The following AHCY variants were observed in gnomAD, a reference collection of about 807,000 sequenced individuals.
AHCY encodes the protein adenosylhomocysteinase.
A neutral mutation model predicts 45.4 loss-of-function variants in AHCY; 24 were observed. The observed-to-expected ratio is 0.53, with a 90% CI of 0.38 to 0.74. The LOEUF (loss-of-function observed/expected upper bound fraction) is 0.74. AHCY is among the 30% of genes least tolerant of loss of function. AHCY has a pLI of 0.00. For missense variants in AHCY, 449 were observed against 594.1 expected (o/e 0.76, Z 2.54); for synonymous variants, 245 against 235.1 (o/e 1.04, Z -0.39).
chr20:34,258,944 G>A, the AHCY span, among the ~76,000 whole-genome samples: 2 of 142,582 alleles, frequency 1.4e-5, no homozygotes, highest in Non-Finnish European at 3.0e-5. Context: ...AAATATGGCT[G>A]AGTGGTGGCT....
At chr20:34,293,203 C>T (rs1356100035) in intron 3 of AHCY, among the ~76,000 whole-genome samples, 1 of 152,134 alleles carries the variant, frequency 6.6e-6, no homozygotes, top group Admixed American at 6.6e-5. Flanking sequence ...CTAAGACGCA[C>T]TTGGGCCACT....
downstream of AHCY, among the ~76,000 whole-genome samples, chr20:34,279,383 T>C (rs1438176471): frequency 6.7e-6 from 1 of 149,978 alleles, no homozygotes; most frequent in Non-Finnish European, 1.5e-5. Flanking sequence ...ATAGCACCAC[T>C]GCACTCTGCT....
chr20:34,285,667 C>G lies in AHCY; in HGVS notation c.973-33G>C, dbSNP rs537559794. On this transcript the variant is annotated intron_variant, in intron 8 of 9. Transcript: ENST00000217426. Reference sequence around the variant, plus strand: ...CAGGCAGGGCAACAGTGAAGGCAGGCAGGGCCCCGCTCCCACAGCCCACCC... The same window carrying G: ...CAGGCAGGGCAACAGTGAAGGCAGGGAGGGCCCCGCTCCCACAGCCCACCC... 7.5e-6 allele frequency: 12 copies of G among 1,607,928 alleles called. No individual in the cohort carries two copies. The Admixed American group carries it at 1.0e-4, about 13-fold the overall frequency.
At chr20:34,236,680 C>CA in the AHCY span, among the ~76,000 whole-genome samples, 1 of 152,122 alleles carries the variant, frequency 6.6e-6, no homozygotes, top group Admixed American at 6.5e-5. Context: ...GCGAGACCCC[C>CA]ATCTTAAAAA....
chr20:34,250,290 A>G, the AHCY span, among the ~76,000 whole-genome samples: 1 of 152,266 alleles, frequency 6.6e-6, no homozygotes, highest in Non-Finnish European at 1.5e-5. Context: ...AACACCTAGT[A>G]TGGTCAGCAG....
At chr20:34,275,680 T>G (rs2035904844), downstream of AHCY, among the ~76,000 whole-genome samples, 2 of 141,302 alleles carry the variant, frequency 1.4e-5, no homozygotes, top group African/African-American at 6.2e-5. Flanking sequence ...CTTTATATCT[T>G]TCTTTTTTTT....
chr20:34,303,137 T>G lies in AHCY; in HGVS notation c.28+106A>C, dbSNP rs567662177. 19 of 1,526,260 alleles carry G rather than the reference T, an allele frequency of 1.2e-5. No individual in the cohort carries two copies. In the Admixed American group the frequency reaches 2.7e-4, roughly 22 times the overall value. 94.5% of individuals were successfully genotyped at this position (1,526,260 alleles called of 1,614,324 possible). A position where few individuals can be genotyped will look rare whatever the true frequency, so the allele number is the denominator to read the frequency against. On this transcript the variant is annotated intron_variant, in intron 1 of 9. Transcript: ENST00000217426. ...GGCCAGAAACGCGCCGAGGCTGCGATTCCAGGGGGTCCAGAGAGCCCCGAG... is the reference window on the plus strand; with the variant it reads ...GGCCAGAAACGCGCCGAGGCTGCGAGTCCAGGGGGTCCAGAGAGCCCCGAG...
chr20:34,299,879 T>G (rs1473177666), intron 1 of AHCY, among the ~76,000 whole-genome samples: 1 of 152,166 alleles, frequency 6.6e-6, no homozygotes, highest in African/African-American at 2.4e-5. Context: ...TCTCACCACC[T>G]TCATCTAAAC....
At chr20:34,249,415 C>T in the AHCY span, among the ~76,000 whole-genome samples, 1 of 151,866 alleles carries the variant, frequency 6.6e-6, no homozygotes, top group African/African-American at 2.4e-5. Flanking sequence ...ATATGACTTA[C>T]TGCTGAAACT....
the AHCY span, among the ~76,000 whole-genome samples, chr20:34,261,791 C>T: frequency 6.6e-6 from 1 of 151,156 alleles, no homozygotes; most frequent in East Asian, 2.0e-4. Context: ...GACAGACAGA[C>T]CCTGACTCAA....
chr20:34,285,936 T>TA lies in AHCY; in HGVS notation c.973-303dup, dbSNP rs767270185. On this transcript the variant is annotated intron_variant, in intron 8 of 9. Transcript: ENST00000217426. ...CAACACAGTGAAAGCCCGTCTCTAC[T>TA]AAAAAAAAAATACAAAAAATTAGCC... 2,280 of 315,790 alleles carry TA rather than the reference T, an allele frequency of 7.2e-3. 5 individuals carry two copies. The highest frequency in any genetic ancestry group is 0.037 in the East Asian group (485 of 13,276). The allele number at this position is 315,790 out of a possible 1,614,324, so 19.6% of individuals were successfully genotyped here.
chr20:34,235,827 A>AAGAG, the AHCY span, among the ~76,000 whole-genome samples: 1 of 66,694 alleles, frequency 1.5e-5, no homozygotes, highest in Non-Finnish European at 2.4e-5. Context: ...GAAAGAAAGA[A>AAGAG]AGAAAGAAAG....
intron 1 of AHCY, 96 bp downstream of exon 1, chr20:34,303,147 T>A (rs2122835417): frequency 6.5e-7 from 1 of 1,536,616 alleles, no homozygotes; most frequent in Non-Finnish European, 8.8e-7. Flanking sequence ...TTCCAGGGGG[T>A]CCAGAGAGCC....
chr20:34,289,497 T>TG (rs2036299840), intron 8 of AHCY, among the ~76,000 whole-genome samples: 1 of 123,128 alleles, frequency 8.1e-6, no homozygotes, highest in Non-Finnish European at 1.7e-5. Context: ...TTTTTTGAGA[T>TG]GGAGTCTCAC....
the AHCY span, among the ~76,000 whole-genome samples, chr20:34,252,882 G>A: frequency 1.3e-5 from 2 of 152,242 alleles, no homozygotes; most frequent in South Asian, 4.1e-4. Flanking sequence ...CTTTTACCAG[G>A]CATACTGCCT....
At chr20:34,259,526 A>AC in the AHCY span, among the ~76,000 whole-genome samples, 1 of 152,062 alleles carries the variant, frequency 6.6e-6, no homozygotes, top group South Asian at 2.1e-4. Context: ...AAAAATAAAA[A>AC]GAGTTAGAAA....
At chr20:34,293,665 A>G in intron 3 of AHCY, 1 of 345,894 alleles carries the variant, frequency 2.9e-6, no homozygotes, top group Non-Finnish European at 5.6e-6. Context: ...ACATGTGCCC[A>G]GCCTGTGAAA....
the AHCY span, chr20:34,263,000 C>A: frequency 1.6e-6 from 2 of 1,283,002 alleles, no homozygotes; most frequent in Non-Finnish European, 1.1e-6. Flanking sequence ...ATTTTTCAGG[C>A]CTATATTAAC....
chr20:34,253,627 A>G, the AHCY span, among the ~76,000 whole-genome samples: 2 of 151,730 alleles, frequency 1.3e-5, no homozygotes, highest in African/African-American at 4.8e-5. Context: ...ATGCACCACC[A>G]AGCCTGGCTA....
Sources: allele counts gnomAD v4.1 joint callset (sites outside exome capture counted in the v4.1 genomes callset), GRCh38; gene constraint gnomAD v4.1.1; transcripts MANE v1.5; gene names NCBI Gene and HGNC (gene_info 2026-07-23, HGNC 2026-07-21).